CWF19L1: variants seen among roughly 807,000 people sequenced by gnomAD.
CWF19L1 encodes the protein CWF19 like cell cycle control factor 1.
A neutral mutation model predicts 69.7 loss-of-function variants in CWF19L1; 60 were observed. The observed-to-expected ratio is 0.86, with a 90% CI of 0.70 to 1.07. CWF19L1 has a LOEUF of 1.07. Ranked by LOEUF, CWF19L1 falls within the 50% of genes least tolerant of loss-of-function variation. CWF19L1 has a pLI of 0.00. For missense variants in CWF19L1, 591 were observed against 638.9 expected (o/e 0.92, Z 0.81); for synonymous variants, 209 against 222.2 (o/e 0.94, Z 0.53).
chr10:100,267,360 G>A, intron 1 of CWF19L1: 1 of 923,380 alleles, frequency 1.1e-6, no homozygotes, highest in South Asian at 5.0e-5. Context: ...CCGAACGAGC[G>A]TCGCCAAGAG....
intron 3 of CWF19L1, 47 bp downstream of exon 3, chr10:100,260,919 T>C (rs763188567): frequency 1.6e-6 from 2 of 1,239,422 alleles, no homozygotes; most frequent in South Asian, 2.7e-5. Context: ...CTCTGGCCCT[T>C]GAAATTTTAT....
At chr10:100,243,848 A>C in intron 9 of CWF19L1, 71 bp from the exon 10 acceptor site, 40 of 1,252,736 alleles carry the variant, frequency 3.2e-5, no homozygotes, top group Non-Finnish European at 4.4e-5. Flanking sequence ...CACAGAACTC[A>C]GCTTTGTCTG....
intron 11 of CWF19L1, chr10:100,237,228 C>A: frequency 1.5e-6 from 1 of 656,018 alleles, no homozygotes; most frequent in Admixed American, 1.8e-5. Context: ...TTGCCATCTC[C>A]GATATTATAT....
intron 4 of CWF19L1, among the ~76,000 whole-genome samples, chr10:100,256,769 T>A (rs1589629450): frequency 6.6e-6 from 1 of 152,118 alleles, no homozygotes; most frequent in East Asian, 1.9e-4. Context: ...GAAGAGAAGA[T>A]TAGGGAAAAG....
At chr10:100,247,992 T>A (rs1846886675) in intron 7 of CWF19L1, among the ~76,000 whole-genome samples, 1 of 151,596 alleles carries the variant, frequency 6.6e-6, no homozygotes, top group Admixed American at 6.6e-5. Flanking sequence ...TGGAACAAAG[T>A]TTTTAGATGA....
chr10:100,248,243 G>GGTCCAGCA (rs1440998252), intron 7 of CWF19L1: 1 of 952,162 alleles, frequency 1.1e-6, no homozygotes, highest in Non-Finnish European at 1.7e-6. Flanking sequence ...GGTATGAAAG[G>GGTCCAGCA]GTCCAGCAGA....
intron 1 of CWF19L1, among the ~76,000 whole-genome samples, chr10:100,262,928 C>CTTT (rs71305555): frequency 2.0e-5 from 3 of 148,036 alleles, no homozygotes; most frequent in African/African-American, 7.4e-5. Flanking sequence ...CCTCGCCAAA[C>CTTT]TTTTTTTTTT....
chr10:100,267,382 G>A, intron 1 of CWF19L1, 189 bp downstream of exon 1: 2 of 977,154 alleles, frequency 2.0e-6, no homozygotes, highest in Non-Finnish European at 1.2e-6. Context: ...AACCCCCTCA[G>A]AAGCGAAAAG....
At chr10:100,253,673 A>G in intron 5 of CWF19L1, 134 bp from the exon 6 acceptor site, 1 of 578,816 alleles carries the variant, frequency 1.7e-6, no homozygotes, top group Non-Finnish European at 3.1e-6. Flanking sequence ...TGCACATTGA[A>G]TTTCATAAGT....
At chr10:100,236,181 T>C (rs1846430690) in intron 12 of CWF19L1, among the ~76,000 whole-genome samples, 1 of 150,836 alleles carries the variant, frequency 6.6e-6, no homozygotes, top group Admixed American at 6.6e-5. Flanking sequence ...CATACCTCAC[T>C]GCATCCTCAA....
At chr10:100,236,187 C>T (rs1846430990) in intron 12 of CWF19L1, among the ~76,000 whole-genome samples, 1 of 151,440 alleles carries the variant, frequency 6.6e-6, no homozygotes, top group South Asian at 2.1e-4. Context: ...TCACTGCATC[C>T]TCAAACTCCT....
Position 100,243,235 on chromosome 10 carries a change from CT to C in CWF19L1, c.1044+462del, listed in dbSNP as rs542675790. On this transcript the variant is annotated intron_variant, in intron 10 of 13. Coordinates refer to ENST00000354105, the MANE Select transcript of CWF19L1 (RefSeq NM_018294.6). ...TAGAAACAACCCAAACGTCCATCAGCTGATGAACAGATATAGACGAAATGTG... is the reference window on the plus strand; with the variant it reads ...TAGAAACAACCCAAACGTCCATCAGCGATGAACAGATATAGACGAAATGTG... 1.9e-3 allele frequency among the ~76,000 whole-genome samples: 284 copies of C among 152,174 alleles called. 2 individuals carry two copies. The highest frequency in any genetic ancestry group is 6.7e-3 in the African/African-American group (276 of 41,494).
At position 100,245,869 on chromosome 10, in the gene CWF19L1, C is replaced by A. The variant is rs764370062; in HGVS notation, c.894G>T (p.Gln298His). The A allele has an allele frequency of 6.2e-7, 1 of 1,614,186 alleles. No homozygotes were observed. Among genetic ancestry groups the A allele is most frequent in the Non-Finnish European group, 8.5e-7 (1 of 1,180,020 alleles). The change falls in exon 9 of 14, where the codon CAG becomes CAT. Residue 298 changes from glutamine to histidine, a missense_variant. Physicochemically the swap from Gln to His is conservative, Grantham distance 24. Around this residue, in one of 3 missense-constraint regions of CWF19L1, gnomAD observed 458 missense variants for 489.3 expected, o/e 0.94. Transcript: ENST00000354105. ...TACCTGTGGATGAACGCTTCCTTCC[C>A]TGCTTTTCATTTAAATCAAAGAAAA... ...CQFFFDLNEKQGRKRSSTGRD... is the reference protein window; with the variant it reads ...CQFFFDLNEKHGRKRSSTGRD...
chr10:100,234,696 A>C (rs1160020569), intron 13 of CWF19L1, among the ~76,000 whole-genome samples: 1 of 152,222 alleles, frequency 6.6e-6, no homozygotes, highest in African/African-American at 2.4e-5. Flanking sequence ...AAACAGCTGC[A>C]AATCACAGAC....
chr10:100,233,621 A>G (rs542106622), intron 13 of CWF19L1, among the ~76,000 whole-genome samples: 1 of 152,334 alleles, frequency 6.6e-6, no homozygotes, highest in African/African-American at 2.4e-5. Context: ...TGGTACTTAG[A>G]GAAGCAACAC....
intron 10 of CWF19L1, among the ~76,000 whole-genome samples, chr10:100,239,610 G>T (rs4917888): frequency 0.076 from 11,595 of 152,252 alleles, 788 homozygotes; most frequent in African/African-American, 0.18. Flanking sequence ...CTGCACTCCA[G>T]CCTGGGCGAC....
At chr10:100,260,349 T>C (rs746941695) in intron 3 of CWF19L1, 30 bp from the exon 4 acceptor site, 7 of 1,246,364 alleles carry the variant, frequency 5.6e-6, no homozygotes, top group Admixed American at 3.7e-5. Context: ...TGACACCATA[T>C]AGTTACCAGA....
intron 7 of CWF19L1, among the ~76,000 whole-genome samples, 188 bp from the exon 8 acceptor site, chr10:100,247,123 G>C (rs1846851987): frequency 6.6e-6 from 1 of 152,116 alleles, no homozygotes; most frequent in Non-Finnish European, 1.5e-5. Context: ...GCCTCTGCAG[G>C]GGCTCACCAA....
intron 1 of CWF19L1, chr10:100,262,307 T>G: frequency 3.0e-6 from 3 of 985,436 alleles, no homozygotes; most frequent in Non-Finnish European, 3.6e-6. Context: ...CTTCTCCTCA[T>G]TCCTAAGTTT....
Sources: gnomAD v4.1 joint callset for allele counts (sites outside exome capture counted in the v4.1 genomes callset) on GRCh38, gnomAD v4.1.1 for gene constraint, gnomAD v4.1.1 regional missense constraint, MANE v1.5 for transcripts, NCBI Gene and HGNC (gene_info 2026-07-23, HGNC 2026-07-21) for gene names.